LYRM4: variants seen among roughly 807,000 people sequenced by gnomAD.
LYRM4 encodes LYR motif-containing protein 4.
LYRM4 carries 9 observed loss-of-function variants against 11.7 expected under a neutral mutation model. That is an observed-to-expected ratio of 0.77 (90% confidence interval 0.46 to 1.34). LYRM4 has a LOEUF of 1.34. Among genes scored for constraint, LYRM4 ranks in the 40% most tolerant of loss-of-function variants. LYRM4 has a pLI of 0.00. For missense variants in LYRM4, 133 were observed against 112.5 expected, an observed-to-expected ratio of 1.18 and a Z score of -0.82; for synonymous variants, 42 against 40.4, an observed-to-expected ratio of 1.04 and a Z score of -0.15.
rs1025624918 is a variant in LYRM4, at chr6:5,139,872, C to G, written c.208-30381G>C. The stretch of plus-strand genomic sequence containing the variant: ...TTTTTTTTTGAGACAGGGTCTTGCT[C>G]TGTTGCCCAGGCTGGGGGGCAGTGG... On this transcript the variant is annotated intron_variant, in intron 2 of 2. Transcript: ENST00000330636. 4.1e-5 allele frequency among the ~76,000 whole-genome samples: 6 copies of G among 145,884 alleles called. No individual in the cohort carries two copies. The South Asian group carries it at 1.3e-3, about 32-fold the overall frequency.
In LYRM4 at chr6:5,193,592, T is replaced by C. The variant is rs575490778; in HGVS notation, c.207+23026A>G. Among the ~76,000 whole-genome samples the C allele has an allele frequency of 1.1e-4, 16 of 152,340 alleles. No homozygotes were observed. In the East Asian group the frequency reaches 3.1e-3, roughly 29 times the overall value. On this transcript the variant is annotated intron_variant, in intron 2 of 2. Transcript: ENST00000330636. Reference sequence around the variant, plus strand: ...AAGTCAGAGGGAGAGTAAAGCAGACTGTCCTAGTTAATCAGAAGTGCTAAA... The same window carrying C: ...AAGTCAGAGGGAGAGTAAAGCAGACCGTCCTAGTTAATCAGAAGTGCTAAA...
At chr6:5,107,582 A>C (rs887245681), downstream of LYRM4, 1 of 152,120 alleles carries the variant, frequency 6.6e-6, no homozygotes, top group African/African-American at 2.4e-5. Flanking sequence ...TACTTGCCAC[A>C]TCACCTCCGT....
the LYRM4 span, chr6:5,054,287 C>T: frequency 2.4e-5 from 4 of 166,194 alleles, no homozygotes; most frequent in Non-Finnish European, 5.0e-5. Context: ...TCTGAGAGGT[C>T]GGTGTTAGTA....
intron 2 of LYRM4, among the ~76,000 whole-genome samples, chr6:5,134,198 G>A (rs1764084395): frequency 2.6e-5 from 4 of 152,208 alleles, no homozygotes; most frequent in Admixed American, 2.0e-4. Flanking sequence ...GATTTTACAA[G>A]CTTCCCAGGT....
intron 1 of LYRM4, chr6:5,218,473 T>C: frequency 1.4e-6 from 1 of 700,412 alleles, no homozygotes; most frequent in Non-Finnish European, 1.8e-6. Context: ...CATTAAAAAA[T>C]TCAAATGTCA....
chr6:5,051,301 A>G, the LYRM4 span, among the ~76,000 whole-genome samples: 1 of 152,222 alleles, frequency 6.6e-6, no homozygotes, highest in East Asian at 1.9e-4. Context: ...TATGATAAAG[A>G]CATGAACATA....
At chr6:5,146,245 C>T (rs189287872) in intron 2 of LYRM4, among the ~76,000 whole-genome samples, 15 of 152,192 alleles carry the variant, frequency 9.9e-5, no homozygotes, top group African/African-American at 2.6e-4. Context: ...CTAAATGAAT[C>T]GTGCAAGGTG....
intron 1 of LYRM4, among the ~76,000 whole-genome samples, chr6:5,248,579 A>G (rs1437272699): frequency 1.3e-5 from 2 of 152,192 alleles, no homozygotes; most frequent in East Asian, 1.9e-4. Context: ...TACAGCCAAC[A>G]CCAACTACAC....
At chr6:5,050,077 G>T in the LYRM4 span, among the ~76,000 whole-genome samples, 1 of 152,256 alleles carries the variant, frequency 6.6e-6, no homozygotes, top group South Asian at 2.1e-4. Flanking sequence ...AGATGGCAGC[G>T]TAGAAGCATC....
Position 5,242,613 on chromosome 6 carries a change from G to A in LYRM4, c.86+18035C>T, listed in dbSNP as rs113267255. On this transcript the variant is annotated intron_variant, in intron 1 of 2. Coordinates refer to ENST00000330636, the MANE Select transcript of LYRM4 (RefSeq NM_020408.6). ...CGTGCGCCTGTAATCCCAGATACTC[G>A]GGAGGCTGAGGCAGGAGAACCACTT... is the stretch of plus-strand genomic sequence containing the variant. Among the ~76,000 whole-genome samples, 721 of 150,658 alleles carry A rather than the reference G, an allele frequency of 4.8e-3. 3 individuals carry two copies. The highest frequency in any genetic ancestry group is 0.016 in the African/African-American group (640 of 41,224).
chr6:5,238,260 T>C (rs1016779054), intron 1 of LYRM4, among the ~76,000 whole-genome samples: 3 of 152,152 alleles, frequency 2.0e-5, no homozygotes, highest in African/African-American at 7.2e-5. Context: ...CTGAGAGACA[T>C]GATAGGGTTC....
At chr6:5,190,303 T>C (rs763610314) in intron 2 of LYRM4, among the ~76,000 whole-genome samples, 4 of 152,166 alleles carry the variant, frequency 2.6e-5, no homozygotes, top group Non-Finnish European at 4.4e-5. Flanking sequence ...CAGTGACTTC[T>C]AAATGCTCTC....
intron 1 of LYRM4, among the ~76,000 whole-genome samples, chr6:5,243,881 C>T (rs1176849500): frequency 6.6e-6 from 1 of 152,238 alleles, no homozygotes; most frequent in Non-Finnish European, 1.5e-5. Flanking sequence ...TTTCCAATGA[C>T]ATGAACCTTT....
At chr6:5,066,671 T>C in the LYRM4 span, 1 of 1,056,300 alleles carries the variant, frequency 9.5e-7, no homozygotes, top group Non-Finnish European at 1.5e-6. Flanking sequence ...TTCCAGGACC[T>C]GGACTGCACT....
the LYRM4 span, chr6:5,032,788 G>A: frequency 6.6e-6 from 1 of 152,036 alleles, no homozygotes; most frequent in Non-Finnish European, 1.5e-5. Flanking sequence ...AAGATCTCTC[G>A]GGTTCCTTGC....
chr6:5,099,295 T>G (rs1762427939), downstream of LYRM4, among the ~76,000 whole-genome samples: 9 of 151,848 alleles, frequency 5.9e-5, no homozygotes, highest in Admixed American at 5.9e-4. This position sits in a 1 kb window ranked among gnomAD's most constrained non-coding sequence, Gnocchi z 4.3. Flanking sequence ...CTCCACCTCC[T>G]GGGCTCAAGC....
rs149090546 is a variant in LYRM4, at chr6:5,244,001, C to T, written c.86+16647G>A. 5.7e-3 allele frequency among the ~76,000 whole-genome samples: 874 copies of T among 152,316 alleles called. 6 individuals are homozygous for T. Among genetic ancestry groups the T allele is most frequent in the African/African-American group, 0.02 (813 of 41,570 alleles). On this transcript the variant is annotated intron_variant, in intron 1 of 2. Transcript: ENST00000330636. Reference sequence around the variant, plus strand: ...GGGAAAGGAAATGATTTTGAAGACACCGTATTTCTAACATATCTTGTTTCC... The same window carrying T: ...GGGAAAGGAAATGATTTTGAAGACATCGTATTTCTAACATATCTTGTTTCC...
intron 1 of LYRM4, among the ~76,000 whole-genome samples, chr6:5,245,584 A>G (rs1764160789): frequency 1.3e-5 from 2 of 152,298 alleles, no homozygotes; most frequent in South Asian, 4.1e-4. Context: ...ATACACACAG[A>G]CTTGTGCACC....
chr6:5,180,320 T>A (rs989412539), intron 2 of LYRM4, among the ~76,000 whole-genome samples: 2 of 152,328 alleles, frequency 1.3e-5, no homozygotes, highest in South Asian at 4.1e-4. Context: ...GTGACTGTTA[T>A]CTCGTGATTT....
Sources: gnomAD v4.1 joint callset for allele counts (sites outside exome capture counted in the v4.1 genomes callset) on GRCh38, gnomAD v4.1.1 for gene constraint, Gnocchi (gnomAD v3.1) non-coding constraint, MANE v1.5 for transcripts, NCBI Gene and HGNC (gene_info 2026-07-23, HGNC 2026-07-21) for gene names.